Variants in DOCK9 observed in about 807,000 individuals in gnomAD.
DOCK9 encodes dedicator of cytokinesis protein 9.
DOCK9 carries 89 observed loss-of-function variants against 263.3 expected under a neutral mutation model. The ratio of observed to expected loss-of-function variants is 0.34; its 90% confidence interval spans 0.28 to 0.40. DOCK9 has a LOEUF of 0.40. Among genes scored for constraint, DOCK9 ranks in the 10% least tolerant of loss-of-function variants. The probability of loss-of-function intolerance (pLI) is 1.00; values close to 1 mark genes in which losing one functional copy is unlikely to be tolerated. For missense variants in DOCK9, 2,140 were observed against 2,603.4 expected, an observed-to-expected ratio of 0.82 and a Z score of 3.87; for synonymous variants, 976 against 973.1, an observed-to-expected ratio of 1.00 and a Z score of -0.06.
chr13:99,072,290 C>T (rs1326248349), intron 1 of DOCK9, among the ~76,000 whole-genome samples: 1 of 152,066 alleles, frequency 6.6e-6, no homozygotes, highest in Admixed American at 6.5e-5. Flanking sequence ...GTACAGTGTG[C>T]ATTGAGCCTT....
chr13:99,036,729 G>A (rs1216771024), intron 1 of DOCK9, among the ~76,000 whole-genome samples: 2 of 152,078 alleles, frequency 1.3e-5, no homozygotes, highest in Non-Finnish European at 2.9e-5. Context: ...TAGTAGAGAC[G>A]GGATTTCACC....
intron 1 of DOCK9, among the ~76,000 whole-genome samples, chr13:98,994,859 A>G (rs1880642110): frequency 6.6e-6 from 1 of 152,204 alleles, no homozygotes; most frequent in African/African-American, 2.4e-5. Flanking sequence ...TTTGTGTCAA[A>G]TATATAATTA....
chr13:98,873,262 A>G (rs2142288836), intron 27 of DOCK9, among the ~76,000 whole-genome samples: 1 of 152,296 alleles, frequency 6.6e-6, no homozygotes, highest in African/African-American at 2.4e-5. Context: ...TCCCCAGAGA[A>G]AAGCTTAGGC....
chr13:99,000,583 G>T (rs1253574154), intron 1 of DOCK9, among the ~76,000 whole-genome samples: 1 of 152,082 alleles, frequency 6.6e-6, no homozygotes, highest in African/African-American at 2.4e-5. Context: ...AAAAAAGAAA[G>T]AAGAAAAATG....
chr13:98,978,697 G>C (rs1012679668), upstream of DOCK9, among the ~76,000 whole-genome samples: 3 of 152,186 alleles, frequency 2.0e-5, no homozygotes, highest in African/African-American at 7.2e-5. Context: ...TAGGTGCTGA[G>C]AGGATCATAC....
chr13:98,935,683 G>A (rs772629371), intron 2 of DOCK9, among the ~76,000 whole-genome samples: 91 of 152,298 alleles, frequency 6.0e-4, no homozygotes, highest in Admixed American at 1.9e-3. Flanking sequence ...CACGAGAATC[G>A]CTTGAACTCA....
At chr13:98,902,866 T>C (rs1422603047) in intron 11 of DOCK9, 106 bp downstream of exon 11, 15 of 1,121,754 alleles carry the variant, frequency 1.3e-5, no homozygotes, top group Non-Finnish European at 1.6e-5. Context: ...ACTGCACCTC[T>C]TTGATACCAG....
chr13:99,061,655 G>A (rs557431752), intron 1 of DOCK9, among the ~76,000 whole-genome samples: 6 of 152,172 alleles, frequency 3.9e-5, no homozygotes, highest in South Asian at 2.1e-4. Flanking sequence ...GGGGGCCTGA[G>A]TATCCCAGTG....
At chr13:98,841,252 T>C (rs912702520) in intron 38 of DOCK9, among the ~76,000 whole-genome samples, 3 of 152,242 alleles carry the variant, frequency 2.0e-5, no homozygotes, top group Non-Finnish European at 4.4e-5. Context: ...GTAGGCGTCA[T>C]ACCATCAGCT....
rs1486121767 is a variant in DOCK9 at position 98,885,327 on chromosome 13, G to C, written c.2261-235C>G. 6 of 584,148 alleles carry C rather than the reference G, an allele frequency of 1.0e-5. No homozygotes were observed. The South Asian group carries it at 1.2e-4, about 12-fold the overall frequency. 36.2% of individuals were successfully genotyped at this position (584,148 alleles called of 1,614,324 possible). On this transcript the variant is annotated intron_variant, in intron 20 of 52. Transcript: ENST00000682017. Reference sequence around the variant, plus strand: ...TATAAAAATGTACATATGCAGGCTGGGCATGGTGGCTCACACCTGTAATCC... The same window carrying C: ...TATAAAAATGTACATATGCAGGCTGCGCATGGTGGCTCACACCTGTAATCC...
intron 23 of DOCK9, among the ~76,000 whole-genome samples, 198 bp downstream of exon 23, chr13:98,882,844 C>T (rs1401983903): frequency 6.6e-6 from 1 of 152,202 alleles, no homozygotes; most frequent in Non-Finnish European, 1.5e-5. Flanking sequence ...GCAAAGGATA[C>T]ATGGGACTAG....
chr13:98,959,995 G>T (rs1183609364), intron 1 of DOCK9, among the ~76,000 whole-genome samples: 1 of 152,188 alleles, frequency 6.6e-6, no homozygotes, highest in Non-Finnish European at 1.5e-5. Flanking sequence ...GAACTGATTG[G>T]CCTGAGACAT....
At chr13:98,975,240 A>G (rs1340627012) in intron 1 of DOCK9, among the ~76,000 whole-genome samples, 2 of 151,942 alleles carry the variant, frequency 1.3e-5, no homozygotes, top group African/African-American at 2.4e-5. Context: ...TTAGCTGGGC[A>G]TGGTGGCGGG....
At chr13:98,844,754 C>T (rs1362568498) in intron 38 of DOCK9, among the ~76,000 whole-genome samples, 12 of 152,198 alleles carry the variant, frequency 7.9e-5, no homozygotes, top group African/African-American at 2.9e-4. Context: ...GTGTGGGAAG[C>T]TGCTTTGTTT....
At chr13:98,859,053 C>T (rs2141810393) in intron 33 of DOCK9, 1 of 152,346 alleles carries the variant, frequency 6.6e-6, no homozygotes, top group South Asian at 2.1e-4. Context: ...TAGACAACAT[C>T]CTGCCATGGT....
intron 1 of DOCK9, among the ~76,000 whole-genome samples, chr13:99,029,982 C>T (rs909716450): frequency 6.6e-6 from 1 of 152,194 alleles, no homozygotes; most frequent in African/African-American, 2.4e-5. Flanking sequence ...AGTACTGATA[C>T]ATGCTACAAG....
chr13:98,999,529 G>A (rs1455471251), intron 1 of DOCK9, among the ~76,000 whole-genome samples: 2 of 152,098 alleles, frequency 1.3e-5, no homozygotes, highest in African/African-American at 2.4e-5. Context: ...CAAGTCCTGC[G>A]TGTCTGGGGT....
chr13:98,837,530 A>C lies in DOCK9; in HGVS notation c.4278T>G (p.Ala1426=), dbSNP rs2093050303. The stretch of plus-strand genomic sequence containing the variant: ...ATGTAAATAGAGAAAGCGTGTCCAG[A>C]GCTGTCAGGCAAACCTCAGTAGCAA... The part of the protein sequence containing the change: ...ANIATEVCLT[A]LDTLSLFTLA... The change falls in exon 39 of 53, where the codon GCT becomes GCG. Residue 1426 remains alanine (A), a synonymous_variant. Coordinates refer to ENST00000682017, the MANE Select transcript of DOCK9 (RefSeq NM_001366683.2). 1 of 1,613,492 alleles carries C rather than the reference A, an allele frequency of 6.2e-7. No homozygotes were observed. Among genetic ancestry groups the C allele is most frequent in the Non-Finnish European group, 8.5e-7 (1 of 1,179,656 alleles).
intron 1 of DOCK9, among the ~76,000 whole-genome samples, chr13:98,957,165 G>A (rs1300327175): frequency 6.6e-6 from 1 of 152,184 alleles, no homozygotes; most frequent in Non-Finnish European, 1.5e-5. Flanking sequence ...GTGGCCTGAG[G>A]AAAGGATGGA....
Sources: allele counts gnomAD v4.1 joint callset (sites outside exome capture counted in the v4.1 genomes callset), GRCh38; gene constraint gnomAD v4.1.1; transcripts MANE v1.5; gene names NCBI Gene and HGNC (gene_info 2026-07-23, HGNC 2026-07-21).